Variants in SEC16A observed in about 807,000 individuals in gnomAD.
SEC16A encodes the protein protein transport protein Sec16A.
SEC16A carries 110 observed loss-of-function variants against 221.9 expected under a neutral mutation model. That is an observed-to-expected ratio of 0.50 (90% confidence interval 0.42 to 0.58). SEC16A has a LOEUF of 0.58. Among genes scored for constraint, SEC16A ranks in the 20% least tolerant of loss-of-function variants. The pLI is 0.00. For missense variants in SEC16A, 3,165 were observed against 3,097.8 expected (o/e 1.02, Z -0.52); for synonymous variants, 1,393 against 1,257.7 (o/e 1.11, Z -2.28).
At chr9:136,448,578 A>T in intron 23 of SEC16A, 2 of 707,748 alleles carry the variant, frequency 2.8e-6, no homozygotes, top group Non-Finnish European at 5.2e-6. Context: ...GAGCAGATCC[A>T]TAGAGACACC....
In SEC16A at chr9:136,474,297, C is replaced by T. The variant is rs1434286402; in HGVS notation, c.3319G>A (p.Asp1107Asn). 7.5e-6 allele frequency: 12 copies of T among 1,609,352 alleles called. No individual in the cohort carries two copies. The highest frequency in any genetic ancestry group is 2.7e-5 in the African/African-American group (2 of 74,890). ...CGAGGGGGCAGCTGCTGACCCGCGT[C>T]GACCAGAACCAGACTTGCTGGTGAC... ...AQSPASLVLV[D>N]AGQQLPPRPP... Residue 1107 changes from aspartate (D) to asparagine (N), a missense_variant, in exon 3 of 32, where the codon GAC becomes AAC. Around this residue, in one of 3 missense-constraint regions of SEC16A, gnomAD observed 2,030 missense variants for 1,923.1 expected, o/e 1.06. Transcript: ENST00000684901.
chr9:136,483,261 TTCCCC>T (rs1842652168), upstream of SEC16A, among the ~76,000 whole-genome samples: 1 of 88,592 alleles, frequency 1.1e-5, no homozygotes, highest in Non-Finnish European at 2.2e-5. Flanking sequence ...GCGTCCGTTC[TTCCCC>T]GCCTCATTCT....
chr9:136,456,021 C>T lies in SEC16A; in HGVS notation c.5664+32G>A, dbSNP rs371787227. ...CAGGGACAGAAGCCACCTTGCCAGACGCCTCTGTGCCACCCCAAGCCAAGG... is the reference window on the plus strand; with the variant it reads ...CAGGGACAGAAGCCACCTTGCCAGATGCCTCTGTGCCACCCCAAGCCAAGG... On this transcript the variant is annotated intron_variant, in intron 19 of 31. Transcript: ENST00000684901. 9.6e-5 allele frequency: 148 copies of T among 1,543,382 alleles called. 1 individual carries two copies. Among genetic ancestry groups the T allele is most frequent in the African/African-American group, 2.2e-4 (16 of 73,262 alleles).
chr9:136,441,650 G>T lies in SEC16A; in HGVS notation c.*105C>A. ...AGTGTGCGACCAGCTCTGAGTCACT[G>T]CTGTGTCTCCCTGGGGGCGGGACGG... On this transcript the variant is annotated 3_prime_UTR_variant, in exon 32 of 32. Coordinates refer to ENST00000684901, the MANE Select transcript of SEC16A (RefSeq NM_014866.2). 1 of 937,478 alleles carries T rather than the reference G, an allele frequency of 1.1e-6. No individual in the cohort carries two copies. The highest frequency in any genetic ancestry group is 1.7e-6 in the Non-Finnish European group (1 of 583,654). The allele number at this position is 937,478 out of a possible 1,614,324, so 58.1% of individuals were successfully genotyped here. A position where few individuals can be genotyped will look rare whatever the true frequency, so the allele number is the denominator to read the frequency against.
At chr9:136,457,034 G>A (rs1483187997) in intron 18 of SEC16A, among the ~76,000 whole-genome samples, 3 of 152,202 alleles carry the variant, frequency 2.0e-5, no homozygotes, top group Non-Finnish European at 4.4e-5. Flanking sequence ...TTGGCCAAGC[G>A]TGGTGGCAGG....
At position 136,482,590 on chromosome 9, in the gene SEC16A, G is replaced by A. The variant is rs183091007; in HGVS notation, c.-192+348C>T. 3.9e-5 allele frequency among the ~76,000 whole-genome samples: 6 copies of A among 152,370 alleles called. No individual in the cohort carries two copies. The East Asian group carries it at 1.2e-3, about 29-fold the overall frequency. On this transcript the variant is annotated intron_variant, in intron 1 of 31. Transcript: ENST00000684901. The stretch of plus-strand genomic sequence containing the variant: ...GCATCGCTAAGGAAGCCTTCTAGCC[G>A]GTGAGGACAAGACACGCTCATTTGA...
At chr9:136,448,470 G>C (rs1455413017) in intron 23 of SEC16A, 1 of 700,316 alleles carries the variant, frequency 1.4e-6, no homozygotes. Context: ...GATCCACAGA[G>C]ACACCAGGAG....
At chr9:136,483,747 G>T, upstream of SEC16A, 1 of 985,474 alleles carries the variant, frequency 1.0e-6, no homozygotes, top group Non-Finnish European at 1.2e-6. Context: ...CCTGACGCGG[G>T]CGCGCTCCTC....
In SEC16A at chr9:136,463,179, G is replaced by A. The variant is rs367966588; in HGVS notation, c.4648-47C>T. 32 of 1,595,948 alleles carry A rather than the reference G, an allele frequency of 2.0e-5. No homozygotes were observed. In the Admixed American group the frequency reaches 3.3e-4, roughly 17 times the overall value. The stretch of plus-strand genomic sequence containing the variant: ...GGAAGGAGAACAACGGCTCTCAGGT[G>A]AGGACGCGTTGGACCACCACAGGCA... On this transcript the variant is annotated intron_variant, in intron 11 of 31. Coordinates refer to ENST00000684901, the MANE Select transcript of SEC16A (RefSeq NM_014866.2).
Position 136,474,581 on chromosome 9 carries a change from G to A in SEC16A, c.3035C>T (p.Ser1012Phe), listed in dbSNP as rs770919206. 1 of 1,612,938 alleles carries A rather than the reference G, an allele frequency of 6.2e-7. No individual in the cohort carries two copies. Among genetic ancestry groups the A allele is most frequent in the Non-Finnish European group, 8.5e-7 (1 of 1,179,826 alleles). The change falls in exon 3 of 32, where the codon TCC (serine) becomes TTC (phenylalanine). Residue 1012 changes from serine to phenylalanine, a missense_variant. By Grantham distance (155) the Ser-to-Phe change is radical (BLOSUM62 -2). Around this residue, in one of 3 missense-constraint regions of SEC16A, gnomAD observed 2,030 missense variants for 1,923.1 expected, o/e 1.06. Transcript: ENST00000684901. Reference protein sequence around the residue: ...LENPVNVYNPSHSDSLASQQS... With the variant: ...LENPVNVYNPFHSDSLASQQS... ...CTGAGAAGCGAGGCTGTCAGAATGG[G>A]ACGGGTTGTACACGTTTACAGGATT...
At position 136,477,479 on chromosome 9, in the gene SEC16A, C is replaced by T; in HGVS notation, c.137G>A (p.Cys46Tyr). The change falls in exon 3 of 32, where the codon TGC becomes TAC. Residue 46 changes from cysteine to tyrosine, a missense_variant. Physicochemically the swap from Cys to Tyr is radical, Grantham distance 194. Transcript: ENST00000684901. ...NNNAAVAPTTCPLQPVTDPFA... is the reference protein window; with the variant it reads ...NNNAAVAPTTYPLQPVTDPFA... ...TGGATCCGTGACCGGCTGCAACGGG[C>T]AAGTTGTCGGAGCCACTGCTGCATT... The T allele has an allele frequency of 1.2e-6, 2 of 1,614,012 alleles. No homozygotes were observed. Among genetic ancestry groups the T allele is most frequent in the Non-Finnish European group, 8.5e-7 (1 of 1,179,908 alleles).
chr9:136,457,774 T>C (rs1053333029), intron 17 of SEC16A, among the ~76,000 whole-genome samples, 190 bp from the exon 18 acceptor site: 3 of 152,018 alleles, frequency 2.0e-5, no homozygotes, highest in Admixed American at 6.5e-5. Context: ...CTAGTCCCTG[T>C]TCCCCAAGGG....
At position 136,466,667 on chromosome 9, in the gene SEC16A, A is replaced by C. The variant is rs1840203626; in HGVS notation, c.3930-205T>G. Among the ~76,000 whole-genome samples, 1 of 152,204 alleles carries C rather than the reference A, an allele frequency of 6.6e-6. No homozygotes were observed. Among genetic ancestry groups the C allele is most frequent in the South Asian group, 2.1e-4 (1 of 4,830 alleles). ...CAGTGTGGTCACTTCTCTGGGCTGC[A>C]GGGCGCGACCGGTAAGAAGGGACGA... is the stretch of plus-strand genomic sequence containing the variant. On this transcript the variant is annotated intron_variant, in intron 6 of 31. Coordinates refer to ENST00000684901, the MANE Select transcript of SEC16A (RefSeq NM_014866.2). This position sits in a 1 kb window ranked among gnomAD's most constrained non-coding sequence, Gnocchi z 5.5.
intron 28 of SEC16A, 137 bp from the exon 29 acceptor site, chr9:136,445,856 T>C (rs1836902411): frequency 1.3e-6 from 1 of 755,352 alleles, no homozygotes; most frequent in East Asian, 2.8e-5. Context: ...CAGAGAGAAG[T>C]GAAAAGTGCC....
In SEC16A at chr9:136,454,188, G is replaced by T; in HGVS notation, c.5997C>A (p.Ser1999=). 6.4e-7 allele frequency: 1 copy of T among 1,560,940 alleles called. No individual in the cohort carries two copies. The highest frequency in any genetic ancestry group is 8.7e-7 in the Non-Finnish European group (1 of 1,152,338). The change falls in exon 21 of 32, where the codon TCC becomes TCA. Residue 1999 remains serine, a synonymous_variant. Coordinates refer to ENST00000684901, the MANE Select transcript of SEC16A (RefSeq NM_014866.2). ...PGPALGFLEP[S]GPGLPPGVPP... is the part of the protein sequence containing the mutation. ...GCACACCAGGTGGGAGGCCAGGCCC[G>T]GAGGGCTCCAGGAAGCCAAGTGCAG... is the stretch of plus-strand genomic sequence containing the variant.
chr9:136,445,454 G>A (rs1037708161), intron 29 of SEC16A, among the ~76,000 whole-genome samples, 191 bp downstream of exon 29: 4 of 152,186 alleles, frequency 2.6e-5, no homozygotes, highest in Admixed American at 6.5e-5. Context: ...CACCCCTCCT[G>A]GAGCTCCCAA....
rs377304650 is a variant in SEC16A, at chr9:136,471,987, C to T, written c.3692G>A (p.Arg1231Gln). 1.6e-5 allele frequency: 25 copies of T among 1,612,084 alleles called. No individual in the cohort carries two copies. The African/African-American group carries it at 1.9e-4, about 12-fold the overall frequency. Residue 1231 changes from arginine (R) to glutamine (Q), a missense_variant, in exon 4 of 32, where the codon CGG (arginine) becomes CAG (glutamine). By Grantham distance (43) the Arg-to-Gln change is conservative (BLOSUM62 1). This residue lies in a region of SEC16A where 2,030 missense variants were observed against 1,923.1 expected (regional missense o/e 1.06). Transcript: ENST00000684901. ...GGCGCGGCCGCACCTGGGAGGTGGC[C>T]GTTCCGAGGAGTGGCTGGCTCGGGA... ...PSSRASHSSERPPPRQGYPEG... is the reference protein window; with the variant it reads ...PSSRASHSSEQPPPRQGYPEG...
At chr9:136,482,610 A>G (rs1842534998) in intron 1 of SEC16A, among the ~76,000 whole-genome samples, 2 of 152,244 alleles carry the variant, frequency 1.3e-5, no homozygotes, top group Admixed American at 1.3e-4. Flanking sequence ...AGACACGCTC[A>G]TTTGAAAAGT....
At chr9:136,446,824 A>G in intron 28 of SEC16A, 31 bp downstream of exon 28, 2 of 1,568,330 alleles carry the variant, frequency 1.3e-6, no homozygotes, top group Non-Finnish European at 1.7e-6. Context: ...CTCACTGGGT[A>G]CCTTTCCCCT....
Sources: gnomAD v4.1 joint callset for allele counts (sites outside exome capture counted in the v4.1 genomes callset) on GRCh38, gnomAD v4.1.1 for gene constraint, gnomAD v4.1.1 regional missense constraint, Gnocchi (gnomAD v3.1) non-coding constraint, MANE v1.5 for transcripts, NCBI Gene and HGNC (gene_info 2026-07-23, HGNC 2026-07-21) for gene names.